Variants in AKT3 observed in about 807,000 individuals in gnomAD.
AKT3 encodes the protein AKT serine/threonine kinase 3, also known as RAC-gamma serine/threonine-protein kinase.
In AKT3, 15 loss-of-function variants were observed where a neutral mutation model predicts 65.3. That is an observed-to-expected ratio of 0.23 (90% CI 0.15 to 0.35). The LOEUF is 0.35. AKT3 is among the 10% of genes least tolerant of loss of function. The probability of loss-of-function intolerance (pLI) is 1.00; values close to 1 mark genes in which losing one functional copy is unlikely to be tolerated. For synonymous variants in AKT3, 206 were observed against 183.8 expected (o/e 1.12, Z -0.98); for missense variants, 243 against 576.5 (o/e 0.42, Z 5.92).
At chr1:243,703,306 A>G (rs1217095781) in intron 2 of AKT3, among the ~76,000 whole-genome samples, 1 of 152,218 alleles carries the variant, frequency 6.6e-6, no homozygotes, top group Non-Finnish European at 1.5e-5. Context: ...ATGCATGACA[A>G]TAAATATAAT....
intron 3 of AKT3, among the ~76,000 whole-genome samples, chr1:243,676,820 G>A (rs1026393638): frequency 5.9e-5 from 9 of 151,930 alleles, no homozygotes; most frequent in Non-Finnish European, 1.3e-4. Context: ...CACCCAACCC[G>A]GGAACTTACT....
rs892628402 is a variant in AKT3, at chr1:243,763,614, A to G, written c.47-67898T>C. Among the ~76,000 whole-genome samples the G allele has an allele frequency of 3.3e-5, 5 of 152,072 alleles. No individual in the cohort carries two copies. The South Asian group carries it at 8.3e-4, about 25-fold the overall frequency. On this transcript the variant is annotated intron_variant, in intron 2 of 13. Coordinates refer to ENST00000673466, the MANE Select transcript of AKT3 (RefSeq NM_005465.7). ...GATGTACACATCAAAATTCTATAGC[A>G]TACTCAAATTTAAATGAAAACGATT...
intron 2 of AKT3, among the ~76,000 whole-genome samples, chr1:243,782,639 G>C (rs1247395554): frequency 6.6e-6 from 1 of 152,184 alleles, no homozygotes; most frequent in East Asian, 1.9e-4. Context: ...GAGAAGTACA[G>C]AGAACCCAGA....
At chr1:243,847,896 G>A (rs982675272) in intron 1 of AKT3, among the ~76,000 whole-genome samples, 4 of 152,104 alleles carry the variant, frequency 2.6e-5, no homozygotes, top group East Asian at 1.9e-4. Flanking sequence ...TAGAGTCGAT[G>A]TCAAGATTAT....
At chr1:243,640,411 C>T (rs1042104118) in intron 5 of AKT3, among the ~76,000 whole-genome samples, 1 of 152,154 alleles carries the variant, frequency 6.6e-6, no homozygotes, top group African/African-American at 2.4e-5. Flanking sequence ...TCTCTCTCCC[C>T]GGGCTAACCC....
At chr1:243,708,581 TGAAAG>T (rs892975378) in intron 2 of AKT3, among the ~76,000 whole-genome samples, 25 of 152,098 alleles carry the variant, frequency 1.6e-4, no homozygotes, top group African/African-American at 5.5e-4. Flanking sequence ...CCAGTGACTT[TGAAAG>T]GAAAGATTTT....
intron 1 of AKT3, among the ~76,000 whole-genome samples, chr1:243,848,138 T>TC (rs1695595818): frequency 2.6e-5 from 4 of 152,282 alleles, no homozygotes; most frequent in South Asian, 4.1e-4. Context: ...ATATTTGTCC[T>TC]CCCTCACTTT....
intron 2 of AKT3, among the ~76,000 whole-genome samples, chr1:243,713,746 TAA>T (rs572960154): frequency 0.095 from 7,830 of 82,756 alleles, 163 homozygotes; most frequent in East Asian, 0.23. Context: ...TTTGCCTTAA[TAA>T]AAAAAAAAAA....
chr1:243,613,776 T>C, intron 7 of AKT3, 37 bp from the exon 8 acceptor site: 1 of 1,336,708 alleles, frequency 7.5e-7, no homozygotes. Context: ...TACATTATAA[T>C]CCTGTATTCT....
intron 10 of AKT3, among the ~76,000 whole-genome samples, chr1:243,557,585 A>G (rs554872110): frequency 2.1e-4 from 32 of 152,154 alleles, no homozygotes; most frequent in Non-Finnish European, 4.3e-4. Flanking sequence ...ATGGCTTTTA[A>G]TATTACCCAG....
At chr1:243,636,641 A>G (rs894287456) in intron 6 of AKT3, among the ~76,000 whole-genome samples, 1 of 152,108 alleles carries the variant, frequency 6.6e-6, no homozygotes, top group African/African-American at 2.4e-5. Flanking sequence ...AACTGTCAGA[A>G]GTACCCCTCC....
intron 3 of AKT3, among the ~76,000 whole-genome samples, chr1:243,666,098 G>A (rs1245371985): frequency 6.6e-6 from 1 of 152,058 alleles, no homozygotes; most frequent in East Asian, 1.9e-4. Context: ...CTGCCTGCTG[G>A]GTTCAAGTGA....
At chr1:243,685,000 G>C (rs978011544) in intron 3 of AKT3, among the ~76,000 whole-genome samples, 11 of 151,692 alleles carry the variant, frequency 7.3e-5, no homozygotes, top group Non-Finnish European at 1.5e-5. Context: ...TTTTTGATGG[G>C]GTACTTTTTT....
chr1:243,751,553 A>G (rs543452963), intron 2 of AKT3, among the ~76,000 whole-genome samples: 1 of 152,240 alleles, frequency 6.6e-6, no homozygotes, highest in South Asian at 2.1e-4. Flanking sequence ...TAGTGAAGAG[A>G]GAGTCAGACA....
intron 8 of AKT3, among the ~76,000 whole-genome samples, chr1:243,575,144 G>A (rs1674848816): frequency 6.6e-6 from 1 of 152,070 alleles, no homozygotes; most frequent in South Asian, 2.1e-4. Flanking sequence ...TTTACAGTCT[G>A]CACTGCTTCT....
rs972010279 is a variant in AKT3, at chr1:243,651,350, T to C, written c.285-5313A>G. Among the ~76,000 whole-genome samples the C allele has an allele frequency of 5.9e-5, 9 of 152,214 alleles. No homozygotes were observed. In the East Asian group the frequency reaches 9.6e-4, roughly 16 times the overall value. The stretch of plus-strand genomic sequence containing the variant: ...CATGTCATCTGCAAACAGAGACAAT[T>C]TGACTTCCTCTCTTCCTATTTGAAT... On this transcript the variant is annotated intron_variant, in intron 4 of 13. Coordinates refer to ENST00000673466, the MANE Select transcript of AKT3 (RefSeq NM_005465.7).
At chr1:243,816,140 A>G (rs1325148801) in intron 2 of AKT3, among the ~76,000 whole-genome samples, 2 of 152,100 alleles carry the variant, frequency 1.3e-5, no homozygotes, top group Admixed American at 6.6e-5. Flanking sequence ...AAAGTTCATG[A>G]TAGTTTTTGG....
chr1:243,799,824 A>G (rs1692268023), intron 2 of AKT3, among the ~76,000 whole-genome samples: 1 of 152,228 alleles, frequency 6.6e-6, no homozygotes, highest in Non-Finnish European at 1.5e-5. Flanking sequence ...GCTGCTTTCA[A>G]TAAATGCTCT....
intron 2 of AKT3, among the ~76,000 whole-genome samples, chr1:243,827,044 GGAAAAA>G: frequency 9.7e-6 from 1 of 103,282 alleles, no homozygotes; most frequent in East Asian, 2.4e-4. Flanking sequence ...ATATAAGGAA[GGAAAAA>G]ACTCAATACC....
Sources: gnomAD v4.1 joint callset for allele counts (sites outside exome capture counted in the v4.1 genomes callset) on GRCh38, gnomAD v4.1.1 for gene constraint, MANE v1.5 for transcripts, NCBI Gene and HGNC (gene_info 2026-07-23, HGNC 2026-07-21) for gene names.